The following CDH11 variants were observed in gnomAD, a reference collection of about 807,000 sequenced individuals.
CDH11 encodes cadherin-11.
In CDH11, 11 loss-of-function variants were observed where a neutral mutation model predicts 67.8. That is an observed-to-expected ratio of 0.16 (90% CI 0.10 to 0.27). CDH11 has a LOEUF of 0.27. Ranked by LOEUF, CDH11 falls within the 10% of genes least tolerant of loss-of-function variation. The pLI is 1.00. For missense variants in CDH11, 847 were observed against 1,031.2 expected, an observed-to-expected ratio of 0.82 and a Z score of 2.45; for synonymous variants, 419 against 400.0, an observed-to-expected ratio of 1.05 and a Z score of -0.57.
chr16:64,968,622 A>C (rs2142417697), intron 11 of CDH11: 1 of 905,094 alleles, frequency 1.1e-6, no homozygotes, highest in East Asian at 1.2e-4. Flanking sequence ...GTGTATTAAG[A>C]TGGCTTTTCC....
intron 3 of CDH11, among the ~76,000 whole-genome samples, chr16:65,001,857 G>T (rs1358573625): frequency 6.7e-6 from 1 of 149,948 alleles, no homozygotes; most frequent in Non-Finnish European, 1.5e-5. Context: ...AAGGGATCCA[G>T]TTGCTGAGGC....
intron 11 of CDH11, among the ~76,000 whole-genome samples, chr16:64,954,350 C>T (rs894924137): frequency 6.6e-6 from 1 of 152,170 alleles, no homozygotes; most frequent in African/African-American, 2.4e-5. Context: ...AGGCTTTCTT[C>T]CTGGGTGAAT....
intron 8 of CDH11, among the ~76,000 whole-genome samples, chr16:64,974,094 G>A (rs1207528594): frequency 6.6e-6 from 1 of 152,132 alleles, no homozygotes; most frequent in Non-Finnish European, 1.5e-5. Context: ...GTGGCAAAGT[G>A]AGGTGGGAGA....
chr16:65,004,555 C>T, intron 3 of CDH11, 87 bp downstream of exon 3: 9 of 1,358,568 alleles, frequency 6.6e-6, no homozygotes, highest in East Asian at 2.5e-5. Flanking sequence ...CTCTTAGATG[C>T]CTGTGGGCCT....
At chr16:64,963,524 A>AG (rs1489544204) in intron 11 of CDH11, among the ~76,000 whole-genome samples, 1 of 152,224 alleles carries the variant, frequency 6.6e-6, no homozygotes. Context: ...AAGAAACAGA[A>AG]GAACTATTTG....
At chr16:64,999,516 T>A (rs893411502) in intron 3 of CDH11, among the ~76,000 whole-genome samples, 11 of 152,160 alleles carry the variant, frequency 7.2e-5, no homozygotes, top group Non-Finnish European at 1.0e-4. Flanking sequence ...TATTATTTTT[T>A]AAAAAATTTT....
intron 1 of CDH11, chr16:65,059,576 G>A (rs1597145017): frequency 6.6e-6 from 1 of 152,270 alleles, no homozygotes; most frequent in South Asian, 2.1e-4. Flanking sequence ...ATCCGGCATT[G>A]TCCAGGCCTG....
At chr16:65,110,624 ATGTGTGTGTG>A (rs57316241) in intron 1 of CDH11, among the ~76,000 whole-genome samples, 28,722 of 135,766 alleles carry the variant, frequency 0.21, 2,860 homozygotes, top group Middle Eastern at 0.27. Flanking sequence ...ATGGCCAATG[ATGTGTGTGTG>A]TGTGTGTGTG....
rs1426465677 is a variant in CDH11 at position 64,947,852 on chromosome 16, G to A, written c.2142C>T (p.Ser714=). The change falls in exon 13 of 13, where the codon AGC becomes AGT. Residue 714 remains serine (S), a synonymous_variant. Transcript: ENST00000268603. The part of the protein sequence containing the change: ...PRPGLRPAPN[S]VDVDDFINTR... ...TGTTGATGAAGTCATCGACATCCACGCTGTTGGGCGCTGGCCGGAGCCCAG... is the reference window on the plus strand; with the variant it reads ...TGTTGATGAAGTCATCGACATCCACACTGTTGGGCGCTGGCCGGAGCCCAG... 7 of 1,614,008 alleles carry A rather than the reference G, an allele frequency of 4.3e-6. No homozygotes were observed. The highest frequency in any genetic ancestry group is 1.3e-5 in the African/African-American group (1 of 74,906).
intron 3 of CDH11, among the ~76,000 whole-genome samples, chr16:65,001,225 G>T (rs2072912839): frequency 1.3e-5 from 2 of 152,144 alleles, no homozygotes; most frequent in Non-Finnish European, 2.9e-5. Flanking sequence ...AAAATAAACA[G>T]ACTTTTCTTC....
At chr16:65,109,310 G>A (rs2075118561) in intron 1 of CDH11, among the ~76,000 whole-genome samples, 1 of 152,158 alleles carries the variant, frequency 6.6e-6, no homozygotes, top group Non-Finnish European at 1.5e-5. Context: ...GATGCTCTGA[G>A]ACCTTGGGCT....
intron 5 of CDH11, among the ~76,000 whole-genome samples, chr16:64,992,212 T>TTCTTCTCA (rs2072645614): frequency 6.6e-6 from 1 of 152,238 alleles, no homozygotes; most frequent in Non-Finnish European, 1.5e-5. Context: ...CCCTAAAGAC[T>TTCTTCTCA]GAAATACTTG....
At chr16:65,047,476 C>T (rs565471514) in intron 2 of CDH11, among the ~76,000 whole-genome samples, 13 of 151,736 alleles carry the variant, frequency 8.6e-5, no homozygotes, top group Admixed American at 2.0e-4. Flanking sequence ...CTCAGCCTCC[C>T]GAGCAGCTGG....
chr16:65,077,264 G>A (rs1441387694), intron 1 of CDH11, among the ~76,000 whole-genome samples: 3 of 152,092 alleles, frequency 2.0e-5, no homozygotes, highest in African/African-American at 7.2e-5. Context: ...CCTTATTGGA[G>A]GAAAAAAAAG....
rs1277918702 is a variant in CDH11 at position 64,982,241 on chromosome 16, T to C, written c.1060A>G (p.Ile354Val). 6.8e-6 allele frequency: 11 copies of C among 1,613,724 alleles called. No homozygotes were observed. The highest frequency in any genetic ancestry group is 8.5e-6 in the Non-Finnish European group (10 of 1,179,600). Residue 354 changes from isoleucine to valine, a missense_variant, in exon 8 of 13, where the codon ATC becomes GTC. Around this residue, in one of 2 missense-constraint regions of CDH11, gnomAD observed 612 missense variants for 678.7 expected, o/e 0.90. Coordinates refer to ENST00000268603, the MANE Select transcript of CDH11 (RefSeq NM_001797.4). ...CCATTGCTGATAAACTTCGGGTCGATGTGCACGTTGGCTGCCTCTACCTTC... is the reference window on the plus strand; with the variant it reads ...CCATTGCTGATAAACTTCGGGTCGACGTGCACGTTGGCTGCCTCTACCTTC... ...SLKVEAANVH[I>V]DPKFISNGPF...
intron 1 of CDH11, among the ~76,000 whole-genome samples, chr16:65,065,041 A>T (rs2074291541): frequency 6.6e-6 from 1 of 152,144 alleles, no homozygotes; most frequent in African/African-American, 2.4e-5. Context: ...CATTTTCATT[A>T]ATATCACGGG....
In CDH11 at chr16:64,944,321, A is replaced by T. The variant is rs1371754343; in HGVS notation, c.*3282T>A. 5 of 232,760 alleles carry T rather than the reference A, an allele frequency of 2.1e-5. No homozygotes were observed. Among genetic ancestry groups the T allele is most frequent in the Non-Finnish European group, 3.4e-5 (4 of 117,818 alleles). 14.4% of individuals were successfully genotyped at this position (232,760 alleles called of 1,614,324 possible). ...CCATGGCCCAGACCAGGCTGATGGC[A>T]GTGCAAGAGCAGAGAAGTCTTTCCT... On this transcript the variant is annotated 3_prime_UTR_variant, in exon 13 of 13. Transcript: ENST00000268603.
chr16:65,003,109 C>T (rs1220061010), intron 3 of CDH11, among the ~76,000 whole-genome samples: 1 of 145,112 alleles, frequency 6.9e-6, no homozygotes, highest in African/African-American at 2.5e-5. Context: ...GAGATGGAGG[C>T]CTTTGTCTCA....
chr16:65,112,084 A>G (rs904959836), intron 1 of CDH11, among the ~76,000 whole-genome samples: 2 of 151,796 alleles, frequency 1.3e-5, no homozygotes, highest in African/African-American at 4.8e-5. Flanking sequence ...AAAAAAAAAA[A>G]AAAAGAATAA....
Sources: gnomAD v4.1 joint callset for allele counts (sites outside exome capture counted in the v4.1 genomes callset) on GRCh38, gnomAD v4.1.1 for gene constraint, gnomAD v4.1.1 regional missense constraint, MANE v1.5 for transcripts, NCBI Gene and HGNC (gene_info 2026-07-23, HGNC 2026-07-21) for gene names.